Variants in RMDN2 observed in about 807,000 individuals in gnomAD.
RMDN2 encodes regulator of microtubule dynamics protein 2.
Under a neutral mutation model 52.8 loss-of-function variants are expected in RMDN2, and 61 were observed. The observed-to-expected ratio is 1.16, with a 90% confidence interval of 0.94 to 1.43. The LOEUF is 1.43. Among genes scored for constraint, RMDN2 ranks in the 40% most tolerant of loss-of-function variants. The pLI is 0.00. For missense variants in RMDN2, 592 were observed against 475.3 expected (o/e 1.25, Z -2.28); for synonymous variants, 180 against 153.1 (o/e 1.18, Z -1.30).
intron 2 of RMDN2, among the ~76,000 whole-genome samples, chr2:37,966,426 A>G (rs1254382548): frequency 6.7e-6 from 1 of 149,038 alleles, no homozygotes; most frequent in Non-Finnish European, 1.5e-5. Flanking sequence ...TAAAAAAAAA[A>G]AAAAAGTTCT....
chr2:37,998,854 C>T (rs951309095), intron 8 of RMDN2, among the ~76,000 whole-genome samples: 2 of 152,154 alleles, frequency 1.3e-5, no homozygotes, highest in African/African-American at 4.8e-5. Context: ...CACACAATGA[C>T]AATCAAAGAT....
At chr2:37,981,975 C>A (rs1221908224) in intron 5 of RMDN2, among the ~76,000 whole-genome samples, 1 of 151,798 alleles carries the variant, frequency 6.6e-6, no homozygotes, top group East Asian at 1.9e-4. Context: ...TGCATTTTTA[C>A]ATTTGTTTTC....
intron 2 of RMDN2, among the ~76,000 whole-genome samples, chr2:37,932,663 A>T (rs1572682832): frequency 7.7e-6 from 1 of 129,836 alleles, no homozygotes; most frequent in African/African-American, 3.0e-5. Flanking sequence ...CCCTCACCTC[A>T]CGGGGCGGCT....
chr2:38,058,261 G>T (rs895576680), intron 10 of RMDN2, among the ~76,000 whole-genome samples: 11 of 152,186 alleles, frequency 7.2e-5, no homozygotes, highest in Non-Finnish European at 1.0e-4. Flanking sequence ...GGGTGAAGGA[G>T]CCCAGGGTGG....
chr2:38,067,060 A>G (rs1423208112), exon 11 of RMDN2: 8 of 1,497,488 alleles, frequency 5.3e-6, no homozygotes, highest in Admixed American at 3.3e-5. Flanking sequence ...GAAGGCCTGG[A>G]GAGTCATGAC....
At chr2:37,997,912 T>A (rs1675789017) in intron 8 of RMDN2, 1 of 169,552 alleles carries the variant, frequency 5.9e-6, no homozygotes, top group South Asian at 1.6e-4. Flanking sequence ...AGTTTAATCT[T>A]AAGGAAATAA....
At chr2:37,932,796 G>T in intron 2 of RMDN2, among the ~76,000 whole-genome samples, 1 of 132,040 alleles carries the variant, frequency 7.6e-6, no homozygotes, top group Non-Finnish European at 1.7e-5. Flanking sequence ...CCCGGACGGG[G>T]CGGCTGGCTG....
At chr2:38,022,404 CAG>C (rs1679455711), downstream of RMDN2, among the ~76,000 whole-genome samples, 1 of 152,190 alleles carries the variant, frequency 6.6e-6, no homozygotes, top group African/African-American at 2.4e-5. Flanking sequence ...AGAATAGCTG[CAG>C]AGTGTTCCTG....
intron 2 of RMDN2, chr2:37,951,299 G>T: frequency 6.2e-7 from 1 of 1,612,302 alleles, no homozygotes; most frequent in Non-Finnish European, 8.5e-7. Flanking sequence ...CAGACGCCCA[G>T]CATCGTGGAG....
intron 10 of RMDN2, among the ~76,000 whole-genome samples, chr2:38,053,781 A>C (rs1248448494): frequency 6.6e-6 from 1 of 152,186 alleles, no homozygotes; most frequent in African/African-American, 2.4e-5. Flanking sequence ...ACTCTGAAAA[A>C]AATACCAATG....
chr2:37,971,362 C>A (rs537728490), intron 2 of RMDN2, among the ~76,000 whole-genome samples: 10 of 152,192 alleles, frequency 6.6e-5, no homozygotes, highest in African/African-American at 2.4e-4. Context: ...TGTCTTGGCA[C>A]TCTTATCAAA....
intron 2 of RMDN2, among the ~76,000 whole-genome samples, chr2:37,954,545 T>G (rs983207881): frequency 6.6e-6 from 1 of 152,088 alleles, no homozygotes; most frequent in East Asian, 1.9e-4. Context: ...CCATTTTCTT[T>G]CACCAGCCTA....
At chr2:38,019,973 C>T (rs993744409), downstream of RMDN2, among the ~76,000 whole-genome samples, 2 of 151,974 alleles carry the variant, frequency 1.3e-5, no homozygotes, top group Non-Finnish European at 2.9e-5. Context: ...TTTTTTAAAA[C>T]TAAAACCATT....
intron 10 of RMDN2, among the ~76,000 whole-genome samples, chr2:38,015,866 G>A (rs1292379210): frequency 6.6e-6 from 1 of 152,244 alleles, no homozygotes; most frequent in African/African-American, 2.4e-5. Context: ...TAGGAATGCA[G>A]CACAATCATA....
intron 4 of RMDN2, among the ~76,000 whole-genome samples, chr2:37,975,927 A>T (rs151202571): frequency 2.6e-4 from 40 of 152,326 alleles, no homozygotes; most frequent in African/African-American, 9.4e-4. Context: ...AACTTTATAA[A>T]ACTTAGACAA....
At chr2:38,013,420 A>G (rs370654814) in intron 10 of RMDN2, among the ~76,000 whole-genome samples, 9 of 152,254 alleles carry the variant, frequency 5.9e-5, no homozygotes, top group African/African-American at 1.9e-4. Context: ...TAGTAAATCC[A>G]ATGTTACCAG....
chr2:37,994,848 C>A (rs1035164847), intron 7 of RMDN2, among the ~76,000 whole-genome samples: 2 of 152,070 alleles, frequency 1.3e-5, no homozygotes, highest in East Asian at 3.8e-4. Flanking sequence ...TTCATAGCAG[C>A]CTTAGCAGCA....
chr2:38,017,858 A>T (rs890414766), downstream of RMDN2: 5 of 195,508 alleles, frequency 2.6e-5, no homozygotes, highest in South Asian at 4.3e-4. Flanking sequence ...TCAGCAAAGG[A>T]AGGTAAGGGT....
At position 37,926,868 on chromosome 2, in the gene RMDN2, C is replaced by G. The variant is rs548385694; in HGVS notation, c.-17+1443C>G. Reference sequence around the variant, plus strand: ...GGAGGATGACTTGAGCCCAAGTGGTCGAGGCTACAGTGAGCAGTGATTGTA... The same window carrying G: ...GGAGGATGACTTGAGCCCAAGTGGTGGAGGCTACAGTGAGCAGTGATTGTA... On this transcript the variant is annotated intron_variant, in intron 1 of 10. Transcript: ENST00000354545. Among the ~76,000 whole-genome samples the G allele has an allele frequency of 4.6e-5, 7 of 151,728 alleles. No individual in the cohort carries two copies. The East Asian group carries it at 1.4e-3, about 29-fold the overall frequency.
Sources: gnomAD v4.1 joint callset for allele counts (sites outside exome capture counted in the v4.1 genomes callset) on GRCh38, gnomAD v4.1.1 for gene constraint, MANE v1.5 for transcripts, NCBI Gene and HGNC (gene_info 2026-07-23, HGNC 2026-07-21) for gene names.